Variants in TACR3 observed in about 807,000 individuals in gnomAD.
TACR3 encodes tachykinin receptor 3, also known as neuromedin-K receptor.
A neutral mutation model predicts 35.0 loss-of-function variants in TACR3; 34 were observed. The ratio of observed to expected loss-of-function variants is 0.97; its 90% CI spans 0.74 to 1.30. The LOEUF is 1.30. Among genes scored for constraint, TACR3 ranks in the 50% most tolerant of loss-of-function variants. TACR3 has a pLI of 0.00. For missense variants in TACR3, 558 were observed against 591.7 expected, an observed-to-expected ratio of 0.94 and a Z score of 0.59; for synonymous variants, 233 against 221.1, an observed-to-expected ratio of 1.05 and a Z score of -0.48.
intron 3 of TACR3, among the ~76,000 whole-genome samples, chr4:103,616,350 A>G (rs1036584552): frequency 6.6e-6 from 1 of 152,126 alleles, no homozygotes; most frequent in African/African-American, 2.4e-5. Context: ...GAGCATATAC[A>G]TAAATAACAT....
intron 3 of TACR3, among the ~76,000 whole-genome samples, chr4:103,603,472 C>G (rs980763697): frequency 2.0e-5 from 3 of 152,212 alleles, no homozygotes; most frequent in African/African-American, 7.2e-5. Flanking sequence ...AGAAATCACC[C>G]GTCTTCTGCG....
At chr4:103,653,361 C>A (rs1725665270) in intron 3 of TACR3, among the ~76,000 whole-genome samples, 2 of 151,704 alleles carry the variant, frequency 1.3e-5, no homozygotes, top group South Asian at 4.1e-4. Flanking sequence ...ACTCTGAATT[C>A]AAAAACAAAA....
intron 3 of TACR3, among the ~76,000 whole-genome samples, chr4:103,599,824 A>G (rs1162839990): frequency 6.6e-6 from 1 of 152,158 alleles, no homozygotes; most frequent in Non-Finnish European, 1.5e-5. Flanking sequence ...CATGGTGGAT[A>G]AACTTTTTGA....
chr4:103,605,998 T>C (rs1724352085), intron 3 of TACR3, among the ~76,000 whole-genome samples: 1 of 151,976 alleles, frequency 6.6e-6, no homozygotes, highest in Non-Finnish European at 1.5e-5. Flanking sequence ...AATTAATTTT[T>C]GTATAAGGTG....
At chr4:103,653,863 A>G (rs1232412694) in intron 3 of TACR3, among the ~76,000 whole-genome samples, 1 of 152,162 alleles carries the variant, frequency 6.6e-6, no homozygotes, top group African/African-American at 2.4e-5. Context: ...AAAAACAAAC[A>G]ACCCCTTCAA....
chr4:103,680,468 G>GAT (rs138086790), intron 1 of TACR3, among the ~76,000 whole-genome samples: 10,347 of 143,190 alleles, frequency 0.072, 473 homozygotes, highest in Non-Finnish European at 0.11. Context: ...CAGATTAAGT[G>GAT]ATATATATAT....
At chr4:103,696,120 G>A (rs994826164) in intron 1 of TACR3, among the ~76,000 whole-genome samples, 1 of 152,086 alleles carries the variant, frequency 6.6e-6, no homozygotes, top group Non-Finnish European at 1.5e-5. Flanking sequence ...GGAAGTCTGA[G>A]AAAAGAGTAT....
intron 3 of TACR3, among the ~76,000 whole-genome samples, chr4:103,622,224 G>A (rs991860329): frequency 2.6e-5 from 4 of 152,182 alleles, no homozygotes; most frequent in African/African-American, 9.6e-5. Context: ...TGTGTTGGAA[G>A]CCACAGCGAA....
chr4:103,594,259 C>A (rs1335059609), intron 3 of TACR3, among the ~76,000 whole-genome samples: 2 of 151,464 alleles, frequency 1.3e-5, no homozygotes, highest in Admixed American at 1.3e-4. Context: ...CTCACTGCAA[C>A]CTCTGCCTCC....
In TACR3 at chr4:103,699,550, T is replaced by A. The variant is rs76847547; in HGVS notation, c.548+19578A>T. On this transcript the variant is annotated intron_variant, in intron 1 of 4. Transcript: ENST00000304883. ...CTGGCTGTTGCACTGAGAACAAACT[T>A]AAGGGAAACAGGAGTAAGGGTAAGA... Among the ~76,000 whole-genome samples the A allele has an allele frequency of 8.1e-3, 1,226 of 152,216 alleles. 19 individuals are homozygous for A. The highest frequency in any genetic ancestry group is 0.028 in the African/African-American group (1,173 of 41,532).
rs369698616 is a variant in TACR3, at chr4:103,589,650, C to A, written c.*32G>T. 4 of 1,612,452 alleles carry A rather than the reference C, an allele frequency of 2.5e-6. No individual in the cohort carries two copies. The highest frequency in any genetic ancestry group is 3.4e-6 in the Non-Finnish European group (4 of 1,178,916). On this transcript the variant is annotated 3_prime_UTR_variant, in exon 5 of 5. Transcript: ENST00000304883. ...GGTCCTAGACTGGCACCATGATGGTCTCACACTAATCTTTTACCTCAGGAA... is the reference window on the plus strand; with the variant it reads ...GGTCCTAGACTGGCACCATGATGGTATCACACTAATCTTTTACCTCAGGAA...
At chr4:103,636,731 C>T (rs566573875) in intron 3 of TACR3, among the ~76,000 whole-genome samples, 26 of 151,860 alleles carry the variant, frequency 1.7e-4, no homozygotes, top group South Asian at 4.2e-4. Flanking sequence ...ATCAAATAGA[C>T]GCAATAAAAA....
At chr4:103,685,643 A>G (rs1722211008) in intron 1 of TACR3, among the ~76,000 whole-genome samples, 2 of 152,164 alleles carry the variant, frequency 1.3e-5, no homozygotes, top group Non-Finnish European at 2.9e-5. Context: ...TATATAAAGA[A>G]CTTTAAACAC....
intron 3 of TACR3, among the ~76,000 whole-genome samples, chr4:103,634,024 C>G (rs887093085): frequency 6.6e-6 from 1 of 152,064 alleles, no homozygotes; most frequent in Non-Finnish European, 1.5e-5. Flanking sequence ...TAAAAGATTA[C>G]ACATGGTTAT....
intron 3 of TACR3, among the ~76,000 whole-genome samples, chr4:103,598,221 T>C (rs1164408749): frequency 6.6e-6 from 1 of 152,258 alleles, no homozygotes; most frequent in Non-Finnish European, 1.5e-5. Context: ...GAGCATTTTT[T>C]CATGTGTTTT....
In TACR3 at chr4:103,664,747, T is replaced by G. The variant is rs572851299; in HGVS notation, c.549-6344A>C. On this transcript the variant is annotated intron_variant, in intron 1 of 4. Transcript: ENST00000304883. ...AATCATTTGAGAGATACATGACCTT[T>G]GTCAAAATGCATTTTCTAGATACAT... Among the ~76,000 whole-genome samples, 169 of 152,322 alleles carry G rather than the reference T, an allele frequency of 1.1e-3. 3 individuals carry two copies. Among genetic ancestry groups the G allele is most frequent in the African/African-American group, 3.8e-3 (157 of 41,576 alleles).
At chr4:103,592,349 T>A (rs1168331338) in intron 3 of TACR3, among the ~76,000 whole-genome samples, 2 of 152,232 alleles carry the variant, frequency 1.3e-5, no homozygotes, top group Non-Finnish European at 2.9e-5. Context: ...ATGCATTAGC[T>A]TTTATGACTT....
At chr4:103,691,783 C>T (rs1488282955) in intron 1 of TACR3, among the ~76,000 whole-genome samples, 4 of 152,186 alleles carry the variant, frequency 2.6e-5, no homozygotes, top group Non-Finnish European at 4.4e-5. Context: ...ATAGCATGAG[C>T]GATCTGTGCC....
intron 1 of TACR3, among the ~76,000 whole-genome samples, chr4:103,683,470 C>CAAAAAAAAAAAAAAAAAAAAAA (rs57761679): frequency 4.7e-5 from 1 of 21,142 alleles, no homozygotes; most frequent in Non-Finnish European, 8.9e-5. Context: ...AAAGACTGAC[C>CAAAAAAAAAAAAAAAAAAAAAA]AAAAAAAAAA....
Sources: gnomAD v4.1 joint callset for allele counts (sites outside exome capture counted in the v4.1 genomes callset) on GRCh38, gnomAD v4.1.1 for gene constraint, MANE v1.5 for transcripts, NCBI Gene and HGNC (gene_info 2026-07-23, HGNC 2026-07-21) for gene names.